The following CTNNA3 variants were observed in gnomAD, a reference collection of about 807,000 sequenced individuals.
The protein encoded by CTNNA3 is catenin alpha-3.
Under a neutral mutation model 95.7 loss-of-function variants are expected in CTNNA3, and 76 were observed. That is an observed-to-expected ratio of 0.79 (90% CI 0.66 to 0.96). The LOEUF is 0.96. Among genes scored for constraint, CTNNA3 ranks in the 40% least tolerant of loss-of-function variants. The probability of loss-of-function intolerance (pLI) is 0.00; values close to 1 mark genes in which losing one functional copy is unlikely to be tolerated. For synonymous variants in CTNNA3, 431 were observed against 374.4 expected (o/e 1.15, Z -1.74); for missense variants, 1,191 against 1,089.8 (o/e 1.09, Z -1.31).
intron 13 of CTNNA3, among the ~76,000 whole-genome samples, chr10:66,189,531 T>C (rs2086537646): frequency 6.6e-6 from 1 of 150,896 alleles, no homozygotes. Flanking sequence ...TTCTGGGCTT[T>C]CTATTATGTT....
At chr10:66,902,790 A>G (rs575176407) in intron 7 of CTNNA3, among the ~76,000 whole-genome samples, 32 of 152,200 alleles carry the variant, frequency 2.1e-4, no homozygotes, top group Non-Finnish European at 2.1e-4. Context: ...GAAATGGATA[A>G]ATTGCTGGAC....
In CTNNA3 at chr10:66,982,694, G is replaced by T. The variant is rs145992926; in HGVS notation, c.1047+197623C>A. Among the ~76,000 whole-genome samples the T allele has an allele frequency of 7.6e-4, 115 of 152,306 alleles. 1 individual carries two copies. The Middle Eastern group carries it at 0.01, about 14-fold the overall frequency. ...AGAGATCAATGAATAGATAAGGTCA[G>T]ATGGCAAAAGATAAGCTAAGTAATA... is the stretch of plus-strand genomic sequence containing the variant. On this transcript the variant is annotated intron_variant, in intron 7 of 17. Coordinates refer to ENST00000433211, the MANE Select transcript of CTNNA3 (RefSeq NM_013266.4).
At chr10:66,149,998 A>G (rs2084110067) in intron 13 of CTNNA3, among the ~76,000 whole-genome samples, 1 of 152,128 alleles carries the variant, frequency 6.6e-6, no homozygotes, top group South Asian at 2.1e-4. Flanking sequence ...GACTTGGATT[A>G]TTATTTCATA....
At chr10:65,985,202 A>G (rs2133314859) in intron 16 of CTNNA3, among the ~76,000 whole-genome samples, 1 of 151,300 alleles carries the variant, frequency 6.6e-6, no homozygotes, top group South Asian at 2.1e-4. Context: ...TTATAAAAAG[A>G]AGCCCAAAAA....
intron 11 of CTNNA3, among the ~76,000 whole-genome samples, chr10:66,434,721 C>T (rs12245599): frequency 0.12 from 17,842 of 152,092 alleles, 1,521 homozygotes; most frequent in African/African-American, 0.24. Flanking sequence ...CTTGCCTGTG[C>T]TGGTTTTCAA....
chr10:67,752,126 T>A (rs1267058591), intron 1 of CTNNA3, among the ~76,000 whole-genome samples: 1 of 152,226 alleles, frequency 6.6e-6, no homozygotes, highest in Non-Finnish European at 1.5e-5. Context: ...TTATCCACTA[T>A]GATCAAGTCA....
At chr10:66,991,552 T>A (rs1304931329) in intron 7 of CTNNA3, among the ~76,000 whole-genome samples, 1 of 152,106 alleles carries the variant, frequency 6.6e-6, no homozygotes, top group Non-Finnish European at 1.5e-5. Flanking sequence ...ACAAATTTAT[T>A]TATTTATTTA....
chr10:67,651,476 T>C (rs955810318), intron 1 of CTNNA3, among the ~76,000 whole-genome samples: 3 of 152,220 alleles, frequency 2.0e-5, no homozygotes, highest in Non-Finnish European at 4.4e-5. Flanking sequence ...ATTTCCCTGT[T>C]TATCCATTAA....
At chr10:67,321,827 C>T (rs1841329248) in intron 5 of CTNNA3, among the ~76,000 whole-genome samples, 2 of 152,146 alleles carry the variant, frequency 1.3e-5, no homozygotes, top group East Asian at 3.9e-4. Flanking sequence ...CTGTTTCACC[C>T]TACCACACAC....
intron 10 of CTNNA3, among the ~76,000 whole-genome samples, chr10:66,582,560 A>G (rs1199396630): frequency 6.6e-6 from 1 of 151,718 alleles, no homozygotes; most frequent in Admixed American, 6.6e-5. Flanking sequence ...GGCTTTCTAG[A>G]TATAAGATTA....
At chr10:66,620,385 G>A (rs77377219) in intron 10 of CTNNA3, among the ~76,000 whole-genome samples, 69 of 152,058 alleles carry the variant, frequency 4.5e-4, no homozygotes, top group African/African-American at 1.6e-3. Context: ...ATTGGAAAAC[G>A]ATATAAGCAA....
In CTNNA3 at chr10:67,536,303, T is replaced by C. The variant is rs536464872; in HGVS notation, c.459+3200A>G. ...TCTGTGTTGCTCCAGAAAGCAAAAC[T>C]AGACGCACTGTTTGAAATAGCAGGG... On this transcript the variant is annotated intron_variant, in intron 4 of 17. Coordinates refer to ENST00000433211, the MANE Select transcript of CTNNA3 (RefSeq NM_013266.4). Among the ~76,000 whole-genome samples the C allele has an allele frequency of 7.9e-5, 12 of 152,234 alleles. No homozygotes were observed. In the East Asian group the frequency reaches 2.1e-3, roughly 27 times the overall value.
intron 7 of CTNNA3, among the ~76,000 whole-genome samples, chr10:66,971,193 C>T (rs767289347): frequency 2.6e-5 from 4 of 152,118 alleles, no homozygotes; most frequent in African/African-American, 9.6e-5. Context: ...TTTGGGAGAC[C>T]GAGGCAGGCA....
At position 66,643,818 on chromosome 10, in the gene CTNNA3, T is replaced by C. The variant is rs376841823; in HGVS notation, c.1282-22034A>G. Among the ~76,000 whole-genome samples, 33 of 152,332 alleles carry C rather than the reference T, an allele frequency of 2.2e-4. No individual in the cohort carries two copies. In the South Asian group the frequency reaches 6.8e-3, roughly 32 times the overall value. On this transcript the variant is annotated intron_variant, in intron 9 of 17. Coordinates refer to ENST00000433211, the MANE Select transcript of CTNNA3 (RefSeq NM_013266.4). ...TCATTCTACCTTTGTTAGGTATATTTTTCTATTTCCAAATATTTATTTTAT... is the reference window on the plus strand; with the variant it reads ...TCATTCTACCTTTGTTAGGTATATTCTTCTATTTCCAAATATTTATTTTAT...
At chr10:67,407,818 T>C (rs768115734) in intron 5 of CTNNA3, among the ~76,000 whole-genome samples, 8 of 152,138 alleles carry the variant, frequency 5.3e-5, no homozygotes, top group South Asian at 2.1e-4. Flanking sequence ...CCATTCACAA[T>C]TGCCACAATG....
At position 67,521,937 on chromosome 10, in the gene CTNNA3, TGA is replaced by T; in HGVS notation, c.482_483del (p.Leu161GlnfsTer8). 4.3e-6 allele frequency: 7 copies of T among 1,613,262 alleles called. No individual in the cohort carries two copies. Among genetic ancestry groups the T allele is most frequent in the Non-Finnish European group, 5.9e-6 (7 of 1,179,340 alleles). On this transcript the variant is annotated frameshift_variant, in exon 5 of 18. Coordinates refer to ENST00000433211, the MANE Select transcript of CTNNA3 (RefSeq NM_013266.4). LOFTEE classifies it high-confidence loss of function. ...VSAFQRTFES[L>X]KNVANKSDLQ... is the part of the protein sequence containing the mutation. ...AGGTCAGATTTGTTGGCAACATTTT[TGA>T]GAGACTCAAATGTCCTTTGAAACTG... is the stretch of plus-strand genomic sequence containing the variant.
At chr10:66,851,633 T>TACACACACACACACAC (rs35986426) in intron 7 of CTNNA3, among the ~76,000 whole-genome samples, 6 of 144,380 alleles carry the variant, frequency 4.2e-5, no homozygotes, top group African/African-American at 1.5e-4. Flanking sequence ...TTCTCTCACA[T>TACACACACACACACAC]ACACACACAC....
intron 7 of CTNNA3, among the ~76,000 whole-genome samples, chr10:66,825,391 T>A (rs1842470886): frequency 1.3e-5 from 2 of 151,608 alleles, no homozygotes; most frequent in South Asian, 4.2e-4. Context: ...TTCTCCTGCC[T>A]CAGCCTCCCA....
At chr10:67,381,400 T>C (rs900246102) in intron 5 of CTNNA3, among the ~76,000 whole-genome samples, 1 of 152,172 alleles carries the variant, frequency 6.6e-6, no homozygotes, top group Non-Finnish European at 1.5e-5. Context: ...AAAGACTCTA[T>C]TTTGTGTTTC....
Sources: gnomAD v4.1 joint callset for allele counts (sites outside exome capture counted in the v4.1 genomes callset) on GRCh38, gnomAD v4.1.1 for gene constraint, MANE v1.5 for transcripts, NCBI Gene and HGNC (gene_info 2026-07-23, HGNC 2026-07-21) for gene names.